The following JPT2 variants were observed in gnomAD, a reference collection of about 807,000 sequenced individuals.
JPT2 encodes CRAMP_1 like.
JPT2 carries 9 observed loss-of-function variants against 15.9 expected under a neutral mutation model. The ratio of observed to expected loss-of-function variants is 0.57; its 90% confidence interval spans 0.34 to 0.99. The LOEUF (loss-of-function observed/expected upper bound fraction) is 0.99. Among genes scored for constraint, JPT2 ranks in the 50% least tolerant of loss-of-function variants. The pLI, the probability that JPT2 is intolerant of heterozygous loss-of-function variation, is 0.02. For synonymous variants in JPT2, 95 were observed against 91.7 expected (o/e 1.04, Z -0.21); for missense variants, 267 against 252.1 (o/e 1.06, Z -0.40).
At chr16:1,688,583 A>C (rs1373498077) in intron 2 of JPT2, 2 of 152,236 alleles carry the variant, frequency 1.3e-5, no homozygotes, top group African/African-American at 4.8e-5. Context: ...TTTAAAAACA[A>C]ATCTTGTAGG....
chr16:1,699,228 A>C lies in JPT2; in HGVS notation c.*230A>C. On this transcript the variant is annotated 3_prime_UTR_variant, in exon 5 of 5. Coordinates refer to ENST00000248098, the MANE Select transcript of JPT2 (RefSeq NM_144570.3). ...AATGGGGCACCCCTGGCCATCACTC[A>C]TGTGTAGTCCAGGTTTGAGAGGAAC... The C allele has an allele frequency of 7.9e-6, 4 of 508,862 alleles. No individual in the cohort carries two copies. Among genetic ancestry groups the C allele is most frequent in the East Asian group, 5.1e-5 (1 of 19,748 alleles). The allele number at this position is 508,862 out of a possible 1,614,324, so 31.5% of individuals were successfully genotyped here.
intron 3 of JPT2, among the ~76,000 whole-genome samples, chr16:1,696,245 A>AACAC (rs1469963151): frequency 6.6e-6 from 1 of 151,386 alleles, no homozygotes; most frequent in Admixed American, 6.6e-5. Context: ...ACAAAAAACA[A>AACAC]ACAAAAAAGC....
chr16:1,699,853 C>T lies in JPT2; in HGVS notation c.*855C>T, dbSNP rs775431570. ...CATAAATGAGGCCCGCTGACCTCTG[C>T]GGGACTTTAAAAATCTATTCAGATA... On this transcript the variant is annotated 3_prime_UTR_variant, in exon 5 of 5. Coordinates refer to ENST00000248098, the MANE Select transcript of JPT2 (RefSeq NM_144570.3). 5 of 285,152 alleles carry T rather than the reference C, an allele frequency of 1.8e-5. No homozygotes were observed. Among genetic ancestry groups the T allele is most frequent in the African/African-American group, 4.3e-5 (2 of 46,024 alleles). 17.7% of individuals were successfully genotyped at this position (285,152 alleles called of 1,614,324 possible).
intron 1 of JPT2, among the ~76,000 whole-genome samples, chr16:1,681,509 C>T (rs993910975): frequency 1.3e-5 from 2 of 152,170 alleles, no homozygotes; most frequent in East Asian, 1.9e-4. Context: ...TACCACTCAC[C>T]TCCTGCGCCC....
At position 1,696,824 on chromosome 16, in the gene JPT2, C is replaced by T. The variant is rs540459914; in HGVS notation, c.337-988C>T. Reference sequence around the variant, plus strand: ...TGGTGTGATGTAAAAATGGAAAATACGAGTTGGTGAGGATGCAGAGAAACT... The same window carrying T: ...TGGTGTGATGTAAAAATGGAAAATATGAGTTGGTGAGGATGCAGAGAAACT... On this transcript the variant is annotated intron_variant, in intron 3 of 4. Transcript: ENST00000248098. Among the ~76,000 whole-genome samples, 11 of 152,270 alleles carry T rather than the reference C, an allele frequency of 7.2e-5. No individual in the cohort carries two copies. In the South Asian group the frequency reaches 1.0e-3, roughly 14 times the overall value.
chr16:1,679,651 A>G (rs572041596), intron 1 of JPT2, among the ~76,000 whole-genome samples: 16 of 151,926 alleles, frequency 1.1e-4, no homozygotes, highest in South Asian at 2.1e-4. Context: ...GAGCCAAGAT[A>G]ATGCCACTGC....
Position 1,701,882 on chromosome 16 carries a change from A to T in JPT2, c.*2884A>T. 3.4e-6 allele frequency: 1 copy of T among 292,484 alleles called. No homozygotes were observed. The highest frequency in any genetic ancestry group is 7.0e-6 in the Non-Finnish European group (1 of 142,948). The allele number at this position is 292,484 out of a possible 1,614,324, so 18.1% of individuals were successfully genotyped here. On this transcript the variant is annotated 3_prime_UTR_variant, in exon 5 of 5. Transcript: ENST00000248098. ...TACGACCCTGTCTATACAAAAAAAAACTTCTCTAAATTAGCCGGATGTGGT... is the reference window on the plus strand; with the variant it reads ...TACGACCCTGTCTATACAAAAAAAATCTTCTCTAAATTAGCCGGATGTGGT...
chr16:1,700,349 T>G lies in JPT2; in HGVS notation c.*1351T>G, dbSNP rs1170956146. The G allele has an allele frequency of 6.3e-6, 2 of 318,970 alleles. No homozygotes were observed. Among genetic ancestry groups the G allele is most frequent in the Non-Finnish European group, 1.3e-5 (2 of 153,896 alleles). The allele number at this position is 318,970 out of a possible 1,614,324, so 19.8% of individuals were successfully genotyped here. ...CCCCCTCAAGGGCTGCAGGCCCAGT[T>G]CTCATGCTGCCCTTGGGTGGGCATC... On this transcript the variant is annotated 3_prime_UTR_variant, in exon 5 of 5. Coordinates refer to ENST00000248098, the MANE Select transcript of JPT2 (RefSeq NM_144570.3).
intron 2 of JPT2, chr16:1,689,280 G>A (rs964714963): frequency 6.6e-6 from 1 of 151,650 alleles, no homozygotes; most frequent in African/African-American, 2.4e-5. Context: ...ACATTGCAGT[G>A]GGGGCTGGGG....
At chr16:1,693,634 C>T (rs1156714326) in intron 3 of JPT2, among the ~76,000 whole-genome samples, 1 of 152,098 alleles carries the variant, frequency 6.6e-6, no homozygotes, top group African/African-American at 2.4e-5. Context: ...GGGCATAGAA[C>T]AAGTGGAAAC....
rs776825474 is a variant in JPT2, at chr16:1,682,283, G to A, written c.45-3156G>A. ...TCCCAGCTACTCGGAAGGCTGAGGC[G>A]GGAGAATTGCTTGAACCTGGGAGGT... On this transcript the variant is annotated intron_variant, in intron 1 of 4. Coordinates refer to ENST00000248098, the MANE Select transcript of JPT2 (RefSeq NM_144570.3). Among the ~76,000 whole-genome samples, 8 of 152,096 alleles carry A rather than the reference G, an allele frequency of 5.3e-5. No homozygotes were observed. The South Asian group carries it at 6.2e-4, about 12-fold the overall frequency.
chr16:1,680,141 C>T (rs1410076874), intron 1 of JPT2, among the ~76,000 whole-genome samples: 1 of 152,236 alleles, frequency 6.6e-6, no homozygotes, highest in Non-Finnish European at 1.5e-5. Context: ...TAAACTAGTG[C>T]TCAGAGCGAA....
chr16:1,693,182 C>T (rs2037116174), intron 3 of JPT2, among the ~76,000 whole-genome samples: 1 of 152,204 alleles, frequency 6.6e-6, no homozygotes, highest in Non-Finnish European at 1.5e-5. Flanking sequence ...TCACTGCAGC[C>T]ACTATCTCCT....
chr16:1,680,572 G>A (rs921355202), intron 1 of JPT2: 71 of 1,058,142 alleles, frequency 6.7e-5, no homozygotes, highest in African/African-American at 1.0e-4. Context: ...GGGTCGAGTC[G>A]CAGGGCGGGC....
Position 1,685,604 on chromosome 16 carries a change from A to G in JPT2, c.193+17A>G, listed in dbSNP as rs769040258. 2 of 1,603,670 alleles carry G rather than the reference A, an allele frequency of 1.2e-6. No homozygotes were observed. ...ATCCCCCAGGTATGGGCCTTTGGAA[A>G]TCCTTAATCCTTTGGCCTCCACGAT... On this transcript the variant is annotated intron_variant, in intron 2 of 4. Transcript: ENST00000248098.
rs1444081458 is a variant in JPT2 at position 1,701,478 on chromosome 16, TCTTGCTGAAAGAGTTTGC to T, written c.*2485_*2502del. The T allele has an allele frequency of 6.6e-6, 1 of 152,274 alleles. No homozygotes were observed. The highest frequency in any genetic ancestry group is 1.5e-5 in the Non-Finnish European group (1 of 68,076). The allele number at this position is 152,274 out of a possible 1,614,324, so 9.4% of individuals were successfully genotyped here. A position where few individuals can be genotyped will look rare whatever the true frequency, so the allele number is the denominator to read the frequency against. ...CCCTTATAGTCCCTTCCCCCACAGC[TCTTGCTGAAAGAGTTTGC>T]CTTGTTTTGTTTTGTTGTTTTGTAT... On this transcript the variant is annotated 3_prime_UTR_variant, in exon 5 of 5. Transcript: ENST00000248098.
At position 1,698,765 on chromosome 16, in the gene JPT2, A is replaced by G; in HGVS notation, c.386-46A>G. 1 of 1,561,494 alleles carries G rather than the reference A, an allele frequency of 6.4e-7. No homozygotes were observed. The highest frequency in any genetic ancestry group is 8.7e-7 in the Non-Finnish European group (1 of 1,154,158). ...TTTCCACAGCCTGCCTGTCAGGGTCATGGGTTGCCTCTAATGGGATGTTGT... is the reference window on the plus strand; with the variant it reads ...TTTCCACAGCCTGCCTGTCAGGGTCGTGGGTTGCCTCTAATGGGATGTTGT... On this transcript the variant is annotated intron_variant, in intron 4 of 4. Transcript: ENST00000248098. This position sits in a 1 kb window ranked among gnomAD's most constrained non-coding sequence, Gnocchi z 4.9.
intron 1 of JPT2, chr16:1,680,456 T>A (rs2037013693): frequency 1.6e-5 from 20 of 1,238,126 alleles, no homozygotes; most frequent in Non-Finnish European, 2.1e-5. Context: ...CTCTTCCTTT[T>A]AGGATGGTGA....
At chr16:1,680,263 G>A (rs1384788246) in intron 1 of JPT2, 1 of 930,676 alleles carries the variant, frequency 1.1e-6, no homozygotes, top group Non-Finnish European at 1.3e-6. Flanking sequence ...TTTCCTTTTT[G>A]TTTGTGCTGC....
Sources: allele counts gnomAD v4.1 joint callset (sites outside exome capture counted in the v4.1 genomes callset), GRCh38; gene constraint gnomAD v4.1.1; non-coding constraint Gnocchi (gnomAD v3.1); transcripts MANE v1.5; gene names NCBI Gene and HGNC (gene_info 2026-07-23, HGNC 2026-07-21).